The following SEMA6D variants were observed in gnomAD, a reference collection of about 807,000 sequenced individuals.
SEMA6D encodes the protein semaphorin 6D.
Under a neutral mutation model 106.6 loss-of-function variants are expected in SEMA6D, and 35 were observed. That is an observed-to-expected ratio of 0.33 (90% CI 0.25 to 0.44). The LOEUF is 0.44. Ranked by LOEUF, SEMA6D falls within the 20% of genes least tolerant of loss-of-function variation. SEMA6D has a pLI of 1.00. For synonymous variants in SEMA6D, 499 were observed against 487.7 expected (o/e 1.02, Z -0.31); for missense variants, 1,185 against 1,345.9 (o/e 0.88, Z 1.87).
At chr15:47,552,538 A>ACG (rs2045734424) in intron 3 of SEMA6D, among the ~76,000 whole-genome samples, 2 of 146,448 alleles carry the variant, frequency 1.4e-5, no homozygotes, top group African/African-American at 2.5e-5. Flanking sequence ...ACACACACAC[A>ACG]CACACACACA....
chr15:47,267,271 G>T (rs970995031), intron 1 of SEMA6D, among the ~76,000 whole-genome samples: 1 of 151,542 alleles, frequency 6.6e-6, no homozygotes, highest in African/African-American at 2.4e-5. Context: ...TGTTTCCATT[G>T]TCCTTGTCAT....
chr15:47,466,727 G>GT (rs772795826), intron 2 of SEMA6D, among the ~76,000 whole-genome samples: 1,858 of 138,790 alleles, frequency 0.013, 13 homozygotes, highest in Admixed American at 0.022. Context: ...TAGGTGTGTG[G>GT]TTTTTTTTTT....
At chr15:47,391,805 GAA>G (rs2040043688) in intron 1 of SEMA6D, among the ~76,000 whole-genome samples, 1 of 151,988 alleles carries the variant, frequency 6.6e-6, no homozygotes. Flanking sequence ...TGAAAAGAAA[GAA>G]AGACAAGTTT....
chr15:47,221,777 G>A (rs918687546), intron 1 of SEMA6D, among the ~76,000 whole-genome samples: 8 of 152,190 alleles, frequency 5.3e-5, no homozygotes, highest in Non-Finnish European at 1.0e-4. Flanking sequence ...AACTGTGTTA[G>A]TAATGAGGCC....
intron 1 of SEMA6D, among the ~76,000 whole-genome samples, chr15:47,381,285 A>G (rs1419874280): frequency 6.6e-6 from 1 of 152,266 alleles, no homozygotes; most frequent in Non-Finnish European, 1.5e-5. Context: ...AATTAGAGGC[A>G]TCATATTCGT....
chr15:47,402,846 A>G (rs1390814578), intron 1 of SEMA6D, among the ~76,000 whole-genome samples: 1 of 151,528 alleles, frequency 6.6e-6, no homozygotes, highest in Admixed American at 6.6e-5. Context: ...TGATGAATAG[A>G]TAGATGAACA....
At chr15:47,377,584 C>G (rs538866040) in intron 1 of SEMA6D, among the ~76,000 whole-genome samples, 2 of 152,136 alleles carry the variant, frequency 1.3e-5, no homozygotes, top group African/African-American at 2.4e-5. Context: ...AAAATCATTA[C>G]TCAGTAAGTG....
chr15:47,657,345 G>A (rs189162324), intron 4 of SEMA6D, among the ~76,000 whole-genome samples: 7 of 152,038 alleles, frequency 4.6e-5, no homozygotes, highest in Non-Finnish European at 8.8e-5. Flanking sequence ...GATTCTCCAC[G>A]TGTATATGCT....
intron 1 of SEMA6D, among the ~76,000 whole-genome samples, chr15:47,197,504 CTTT>C (rs34468502): frequency 7.1e-6 from 1 of 140,136 alleles, no homozygotes; most frequent in Non-Finnish European, 1.6e-5. Flanking sequence ...TTGCAAGTGT[CTTT>C]TTTTTTTTTT....
intron 2 of SEMA6D, among the ~76,000 whole-genome samples, chr15:47,445,153 TTGTC>T (rs2041993487): frequency 6.6e-6 from 1 of 152,192 alleles, no homozygotes; most frequent in Non-Finnish European, 1.5e-5. Flanking sequence ...GCTCTCCTGT[TTGTC>T]TCTCTCCATG....
At chr15:47,602,432 T>C (rs1279559348) in intron 4 of SEMA6D, among the ~76,000 whole-genome samples, 1 of 152,172 alleles carries the variant, frequency 6.6e-6, no homozygotes, top group East Asian at 1.9e-4. Context: ...AGGATGTGAT[T>C]AGAATTCTGA....
chr15:47,187,789 T>TA (rs1325541559), intron 1 of SEMA6D, among the ~76,000 whole-genome samples: 6 of 139,740 alleles, frequency 4.3e-5, no homozygotes, highest in African/African-American at 1.5e-4. Flanking sequence ...TTAGAGAACT[T>TA]ACTGTTGAAA....
intron 4 of SEMA6D, among the ~76,000 whole-genome samples, chr15:47,686,250 G>A (rs2078465423): frequency 1.3e-5 from 2 of 151,642 alleles, no homozygotes; most frequent in Non-Finnish European, 1.5e-5. Context: ...CATGAATTAA[G>A]GCAAAAAGAA....
chr15:47,748,719 A>G (rs761465701), intron 1 of SEMA6D, among the ~76,000 whole-genome samples: 1 of 152,200 alleles, frequency 6.6e-6, no homozygotes, highest in East Asian at 1.9e-4. Flanking sequence ...GCTAGAAAGA[A>G]TAAAATTGTG....
At chr15:47,268,592 G>A (rs1402055807) in intron 1 of SEMA6D, among the ~76,000 whole-genome samples, 1 of 152,126 alleles carries the variant, frequency 6.6e-6, no homozygotes, top group Non-Finnish European at 1.5e-5. Context: ...CCACCTCTGT[G>A]TATGTTGTCC....
chr15:47,463,041 A>G (rs913511647), intron 2 of SEMA6D, among the ~76,000 whole-genome samples: 2 of 152,032 alleles, frequency 1.3e-5, no homozygotes, highest in Non-Finnish European at 1.5e-5. Context: ...AGGACTTTTT[A>G]AAAAAAATGA....
chr15:47,300,105 T>C (rs1268677490), intron 1 of SEMA6D, among the ~76,000 whole-genome samples: 1 of 152,188 alleles, frequency 6.6e-6, no homozygotes, highest in African/African-American at 2.4e-5. Flanking sequence ...TGGAGAATAA[T>C]AGGATCGTCA....
intron 3 of SEMA6D, among the ~76,000 whole-genome samples, chr15:47,597,001 T>C (rs757497581): frequency 1.3e-5 from 2 of 152,028 alleles, no homozygotes; most frequent in African/African-American, 2.4e-5. Context: ...AACCTACAGA[T>C]TGAGAGAAAA....
At chr15:47,680,208 C>T (rs956604632) in intron 4 of SEMA6D, among the ~76,000 whole-genome samples, 4 of 152,158 alleles carry the variant, frequency 2.6e-5, no homozygotes, top group Admixed American at 2.6e-4. Context: ...CCCGTAGCAG[C>T]TCCTAGCATA....
Sources: gnomAD v4.1 joint callset for allele counts (sites outside exome capture counted in the v4.1 genomes callset) on GRCh38, gnomAD v4.1.1 for gene constraint, MANE v1.5 for transcripts, NCBI Gene and HGNC (gene_info 2026-07-23, HGNC 2026-07-21) for gene names.